Variants in AVL9 observed in about 807,000 individuals in gnomAD.
AVL9 encodes the protein late secretory pathway protein AVL9 homolog.
AVL9 carries 49 observed loss-of-function variants against 79.2 expected under a neutral mutation model. The observed-to-expected ratio is 0.62, with a 90% CI of 0.49 to 0.79. AVL9 has a LOEUF of 0.79. AVL9 is among the 30% of genes least tolerant of loss of function. The pLI, the probability that AVL9 is intolerant of heterozygous loss-of-function variation, is 0.00. For missense variants in AVL9, 682 were observed against 776.8 expected (o/e 0.88, Z 1.45); for synonymous variants, 299 against 280.6 (o/e 1.07, Z -0.65).
At chr7:32,579,524 T>TTA (rs1424581329) in intron 13 of AVL9, among the ~76,000 whole-genome samples, 1 of 4,980 alleles carries the variant, frequency 2.0e-4, no homozygotes, top group Non-Finnish European at 3.4e-4. Flanking sequence ...ATATTATATA[T>TTA]TATATATTAT....
chr7:32,508,798 T>C (rs1258528141), intron 1 of AVL9, among the ~76,000 whole-genome samples: 1 of 152,238 alleles, frequency 6.6e-6, no homozygotes, highest in Non-Finnish European at 1.5e-5. Flanking sequence ...TATGTGTGTC[T>C]TGTTCCTGTA....
intron 1 of AVL9, among the ~76,000 whole-genome samples, chr7:32,530,887 C>T (rs530662714): frequency 2.4e-4 from 37 of 152,010 alleles, no homozygotes; most frequent in Non-Finnish European, 4.3e-4. Flanking sequence ...ACCCAGAAGG[C>T]GGAGGTTGCA....
In AVL9 at chr7:32,588,491, TAAA is replaced by T. The variant is rs1300410047; in HGVS notation, c.*4587_*4589del. ...TAAAGAAAATTTAGCTGAGAAAACT[TAAA>T]AAGTTTTCTAAGGAAGTTTAACTGT... On this transcript the variant is annotated 3_prime_UTR_variant, in exon 16 of 16. Coordinates refer to ENST00000318709, the MANE Select transcript of AVL9 (RefSeq NM_015060.3). 2.6e-5 allele frequency: 4 copies of T among 152,288 alleles called. No homozygotes were observed. The highest frequency in any genetic ancestry group is 6.5e-5 in the Admixed American group (1 of 15,286). 9.4% of individuals were successfully genotyped at this position (152,288 alleles called of 1,614,324 possible).
chr7:32,544,805 A>G (rs1316969818), intron 3 of AVL9, 26 bp downstream of exon 3: 2 of 1,555,930 alleles, frequency 1.3e-6, no homozygotes, highest in East Asian at 4.5e-5. Flanking sequence ...GTGAAAAACA[A>G]TTCCAAAGTC....
chr7:32,582,267 CTGAAAGAGGT>C (rs11277230), intron 15 of AVL9, among the ~76,000 whole-genome samples: 1,766 of 152,338 alleles, frequency 0.012, 33 homozygotes, highest in African/African-American at 0.04. Context: ...TCCCTAGCTT[CTGAAAGAGGT>C]TGACTAACCG....
chr7:32,519,886 G>T (rs1788067144), intron 1 of AVL9, among the ~76,000 whole-genome samples: 1 of 152,186 alleles, frequency 6.6e-6, no homozygotes, highest in South Asian at 2.1e-4. Context: ...CATAGCAGAA[G>T]TCATAGAGGA....
intron 1 of AVL9, among the ~76,000 whole-genome samples, chr7:32,529,322 C>T (rs151309137): frequency 6.6e-6 from 1 of 152,300 alleles, no homozygotes; most frequent in Non-Finnish European, 1.5e-5. Context: ...CCCCCTATCA[C>T]GCCTGCTCAG....
intron 3 of AVL9, among the ~76,000 whole-genome samples, chr7:32,547,186 C>G (rs1789555255): frequency 6.6e-6 from 1 of 152,164 alleles, no homozygotes; most frequent in South Asian, 2.1e-4. Context: ...ATTGGTCAGG[C>G]CACAATGCTC....
intron 1 of AVL9, among the ~76,000 whole-genome samples, chr7:32,516,781 A>G (rs1401132434): frequency 6.6e-6 from 1 of 151,636 alleles, no homozygotes; most frequent in Non-Finnish European, 1.5e-5. Flanking sequence ...AAAAAAAAAA[A>G]AAGGTGGGAA....
chr7:32,499,203 G>C (rs1787007944), intron 1 of AVL9, among the ~76,000 whole-genome samples: 1 of 151,722 alleles, frequency 6.6e-6, no homozygotes, highest in Non-Finnish European at 1.5e-5. Context: ...TAGACCCTTT[G>C]GCATGAAATA....
intron 4 of AVL9, 70 bp from the exon 5 acceptor site, chr7:32,551,264 C>G: frequency 2.0e-6 from 2 of 1,006,598 alleles, no homozygotes; most frequent in South Asian, 3.1e-5. Flanking sequence ...GTTTGTTTTA[C>G]TATTATCAAC....
intron 1 of AVL9, among the ~76,000 whole-genome samples, chr7:32,502,406 A>AAAAAAAAAAAAAAAAAAG (rs201243248): frequency 2.1e-5 from 3 of 140,116 alleles, no homozygotes; most frequent in Non-Finnish European, 4.6e-5. Flanking sequence ...AAAAAAAAAA[A>AAAAAAAAAAAAAAAAAAG]AAAGAAAGAA....
At chr7:32,521,155 A>G (rs1172875550) in intron 1 of AVL9, among the ~76,000 whole-genome samples, 1 of 152,130 alleles carries the variant, frequency 6.6e-6, no homozygotes, top group East Asian at 1.9e-4. Context: ...ACGAAAACAG[A>G]CTAATACAGT....
At chr7:32,563,168 A>G (rs543026347) in intron 10 of AVL9, among the ~76,000 whole-genome samples, 4 of 152,136 alleles carry the variant, frequency 2.6e-5, no homozygotes, top group African/African-American at 9.6e-5. Flanking sequence ...AGTAGCTGGG[A>G]CTACAGGTGC....
At chr7:32,523,605 T>C (rs1788271182) in intron 1 of AVL9, among the ~76,000 whole-genome samples, 1 of 140,048 alleles carries the variant, frequency 7.1e-6, no homozygotes, top group South Asian at 2.4e-4. Context: ...AGCCTCCGCC[T>C]TCTGGGTTCA....
At chr7:32,568,193 TTTTA>T (rs1270665957) in intron 10 of AVL9, among the ~76,000 whole-genome samples, 2 of 143,002 alleles carry the variant, frequency 1.4e-5, no homozygotes, top group Non-Finnish European at 3.0e-5. Flanking sequence ...CATCATATTC[TTTTA>T]TTTATTTATT....
Position 32,554,610 on chromosome 7 carries a change from G to T in AVL9, c.609+14G>T. On this transcript the variant is annotated intron_variant, in intron 8 of 15. Coordinates refer to ENST00000318709, the MANE Select transcript of AVL9 (RefSeq NM_015060.3). ...CTTGAAAAAAAGGTACGATCCTAAG[G>T]GATGAAAGGAAAGATGGAGTATTTA... 1 of 1,465,166 alleles carries T rather than the reference G, an allele frequency of 6.8e-7. No individual in the cohort carries two copies. Among genetic ancestry groups the T allele is most frequent in the Non-Finnish European group, 9.2e-7 (1 of 1,088,520 alleles). 90.8% of individuals were successfully genotyped at this position (1,465,166 alleles called of 1,614,324 possible).
At chr7:32,562,651 A>G (rs1790377997) in intron 10 of AVL9, 3 of 983,546 alleles carry the variant, frequency 3.1e-6, no homozygotes, top group South Asian at 4.7e-5. Flanking sequence ...TGGACATAGC[A>G]TCTCACACCT....
intron 1 of AVL9, among the ~76,000 whole-genome samples, chr7:32,523,718 T>C (rs1453128071): frequency 7.0e-6 from 1 of 142,010 alleles, no homozygotes; most frequent in East Asian, 2.1e-4. Context: ...TCAGTAGAGA[T>C]GGGGTTTCTT....
Sources: gnomAD v4.1 joint callset for allele counts (sites outside exome capture counted in the v4.1 genomes callset) on GRCh38, gnomAD v4.1.1 for gene constraint, MANE v1.5 for transcripts, NCBI Gene and HGNC (gene_info 2026-07-23, HGNC 2026-07-21) for gene names.